CSGALNACT1: variants seen among roughly 807,000 people sequenced by gnomAD.
CSGALNACT1 encodes beta4GalNAcT-1.
Under a neutral mutation model 51.0 loss-of-function variants are expected in CSGALNACT1, and 52 were observed. The observed-to-expected ratio is 1.02, with a 90% CI of 0.82 to 1.29. CSGALNACT1 has a LOEUF of 1.29. Ranked by LOEUF, CSGALNACT1 falls within the 50% of genes most tolerant of loss-of-function variation. The probability of loss-of-function intolerance (pLI) is 0.00; values close to 1 mark genes in which losing one functional copy is unlikely to be tolerated. For missense variants in CSGALNACT1, 935 were observed against 679.2 expected, an observed-to-expected ratio of 1.38 and a Z score of -4.19; for synonymous variants, 341 against 254.4, an observed-to-expected ratio of 1.34 and a Z score of -3.24.
Position 19,438,829 on chromosome 8 carries a change from T to C in CSGALNACT1, c.953+1001A>G, listed in dbSNP as rs367860031. ...TGAATAATTATAACTAGCATTCAGA[T>C]CTTGGGCCCATTAATACAAAACTAG... On this transcript the variant is annotated intron_variant, in intron 6 of 9. Coordinates refer to ENST00000454498, the Ensembl canonical transcript of CSGALNACT1. 3.2e-4 allele frequency among the ~76,000 whole-genome samples: 48 copies of C among 152,340 alleles called. No individual in the cohort carries two copies. The East Asian group carries it at 8.1e-3, about 26-fold the overall frequency.
At chr8:19,751,634 C>A (rs2065033077) in intron 1 of CSGALNACT1, among the ~76,000 whole-genome samples, 2 of 152,102 alleles carry the variant, frequency 1.3e-5, no homozygotes, top group African/African-American at 4.8e-5. Flanking sequence ...AATCTCATGT[C>A]AAATTATAAT....
chr8:19,449,675 T>C (rs1450751989), intron 5 of CSGALNACT1, among the ~76,000 whole-genome samples: 2 of 152,094 alleles, frequency 1.3e-5, no homozygotes, highest in Admixed American at 6.5e-5. Flanking sequence ...TAAAATATCA[T>C]AAATGTTAGA....
At chr8:19,504,218 A>C (rs2076905095) in intron 4 of CSGALNACT1, among the ~76,000 whole-genome samples, 1 of 152,108 alleles carries the variant, frequency 6.6e-6, no homozygotes. Flanking sequence ...CTGGGTCTAC[A>C]GGCGCCCGCC....
rs572608950 is a variant in CSGALNACT1 at position 19,507,862 on chromosome 8, T to C, written c.-296-1732A>G. ...CAGGATGGTCTCTATCTCCTGACCT[T>C]GTGATCCGCCCGCCTCGGCCTCCCA... On this transcript the variant is annotated intron_variant, in intron 3 of 9. Coordinates refer to ENST00000454498, the Ensembl canonical transcript of CSGALNACT1. Among the ~76,000 whole-genome samples the C allele has an allele frequency of 2.0e-5, 3 of 152,278 alleles. No homozygotes were observed. The East Asian group carries it at 5.8e-4, about 29-fold the overall frequency.
At chr8:19,410,313 GT>G (rs2055377214) in intron 8 of CSGALNACT1, among the ~76,000 whole-genome samples, 2 of 152,188 alleles carry the variant, frequency 1.3e-5, no homozygotes, top group African/African-American at 4.8e-5. Flanking sequence ...GAAAGATTTT[GT>G]AAGGCGGCAA....
intron 1 of CSGALNACT1, among the ~76,000 whole-genome samples, chr8:19,716,337 T>A (rs2062806190): frequency 6.6e-6 from 1 of 152,172 alleles, no homozygotes; most frequent in African/African-American, 2.4e-5. Flanking sequence ...ATATACTTTA[T>A]CTTGCCTAAT....
intron 7 of CSGALNACT1, 59 bp from the exon 7 acceptor site, chr8:19,418,809 C>G: frequency 8.0e-7 from 1 of 1,255,360 alleles, no homozygotes; most frequent in Non-Finnish European, 1.2e-6. Flanking sequence ...TAGGTTTGTT[C>G]CTTGACATTT....
intron 5 of CSGALNACT1, among the ~76,000 whole-genome samples, chr8:19,447,530 G>C (rs772513545): frequency 6.6e-6 from 1 of 152,156 alleles, no homozygotes; most frequent in African/African-American, 2.4e-5. Context: ...ACTGCTAACA[G>C]TTTAGACCCA....
intron 1 of CSGALNACT1, among the ~76,000 whole-genome samples, chr8:19,696,504 G>C (rs1168099649): frequency 2.6e-5 from 4 of 152,148 alleles, no homozygotes; most frequent in Non-Finnish European, 5.9e-5. Flanking sequence ...TGGGGGCAGG[G>C]AAGTGCAAGG....
chr8:19,452,302 T>G (rs1051009523), intron 5 of CSGALNACT1, among the ~76,000 whole-genome samples: 1 of 152,102 alleles, frequency 6.6e-6, no homozygotes. Context: ...ACCTAGGACC[T>G]TGGCACCAGC....
intron 6 of CSGALNACT1, among the ~76,000 whole-genome samples, chr8:19,424,888 G>T (rs1310109153): frequency 6.6e-6 from 1 of 152,214 alleles, no homozygotes; most frequent in Non-Finnish European, 1.5e-5. Flanking sequence ...AGACTGTAGT[G>T]GTTGCCAGGC....
chr8:19,619,248 C>CG (rs58524593), intron 1 of CSGALNACT1, among the ~76,000 whole-genome samples: 2,524 of 40,794 alleles, frequency 0.062, 57 homozygotes, highest in African/African-American at 0.15. Context: ...TAGACAGGGT[C>CG]GGGGGGGGGT....
Position 19,677,411 on chromosome 8 carries a change from G to A in CSGALNACT1, c.-544+5062C>T, listed in dbSNP as rs549413254. On this transcript the variant is annotated intron_variant, in intron 1 of 9. Transcript: ENST00000332246. ...CAGGTGTGAGCCACCATGCCCAGCC[G>A]CGAGTACATTTTGTAAGATGAAAGA... Among the ~76,000 whole-genome samples the A allele has an allele frequency of 6.6e-4, 101 of 152,250 alleles. 1 individual carries two copies. Among genetic ancestry groups the A allele is most frequent in the South Asian group, 1.2e-3 (6 of 4,824 alleles).
At chr8:19,591,461 T>C (rs1364184434) in intron 2 of CSGALNACT1, among the ~76,000 whole-genome samples, 2 of 152,234 alleles carry the variant, frequency 1.3e-5, no homozygotes. Context: ...CTTATAGTCC[T>C]TTTTGGGCGT....
At chr8:19,644,434 G>C (rs573472961) in intron 1 of CSGALNACT1, among the ~76,000 whole-genome samples, 2 of 150,408 alleles carry the variant, frequency 1.3e-5, no homozygotes, top group African/African-American at 2.4e-5. Context: ...GAGGGGCGGG[G>C]TGCAGTGGCT....
intron 1 of CSGALNACT1, among the ~76,000 whole-genome samples, chr8:19,667,033 A>G (rs1564386779): frequency 7.4e-5 from 3 of 40,816 alleles, no homozygotes; most frequent in Admixed American, 2.4e-4. Context: ...GGAAGGAAGG[A>G]AGGAAGGAAG....
At chr8:19,535,143 T>C (rs913269268) in intron 3 of CSGALNACT1, among the ~76,000 whole-genome samples, 5 of 152,160 alleles carry the variant, frequency 3.3e-5, no homozygotes, top group Non-Finnish European at 5.9e-5. Flanking sequence ...ATTTTAAACC[T>C]ATTTCCAAAT....
intron 5 of CSGALNACT1, among the ~76,000 whole-genome samples, chr8:19,446,739 C>G (rs903293332): frequency 2.0e-5 from 3 of 152,166 alleles, no homozygotes; most frequent in Admixed American, 6.5e-5. Context: ...GTCTCGAACT[C>G]CTGACCTCGG....
rs569972970 is a variant in CSGALNACT1, at chr8:19,715,838, C to T, written c.-297+42012G>A. On this transcript the variant is annotated intron_variant, in intron 1 of 1. Coordinates refer to the CSGALNACT1 transcript ENST00000517494. The stretch of plus-strand genomic sequence containing the variant: ...CTCTGTGGTTACTCTCAGTGACCTG[C>T]CAGCCTCACATTCCTCTAGTGATAC... 8.5e-5 allele frequency among the ~76,000 whole-genome samples: 13 copies of T among 152,168 alleles called. No individual in the cohort carries two copies. In the East Asian group the frequency reaches 2.5e-3, roughly 30 times the overall value.
Sources: gnomAD v4.1 joint callset for allele counts (sites outside exome capture counted in the v4.1 genomes callset) on GRCh38, gnomAD v4.1.1 for gene constraint, MANE v1.5 for transcripts, NCBI Gene and HGNC (gene_info 2026-07-23, HGNC 2026-07-21) for gene names.